OPN5: variants seen among roughly 807,000 people sequenced by gnomAD.
OPN5 encodes the protein opsin 5, also known as opsin-5.
In OPN5, 18 loss-of-function variants were observed where a neutral mutation model predicts 41.7. The ratio of observed to expected loss-of-function variants is 0.43; its 90% CI spans 0.30 to 0.64. The LOEUF (loss-of-function observed/expected upper bound fraction) is 0.64, where lower values mean the gene tolerates loss of function less well. Ranked by LOEUF, OPN5 falls within the 30% of genes least tolerant of loss-of-function variation. The probability of loss-of-function intolerance (pLI) is 0.13; values close to 1 mark genes in which losing one functional copy is unlikely to be tolerated. For missense variants in OPN5, 318 were observed against 434.5 expected, an observed-to-expected ratio of 0.73 and a Z score of 2.38; for synonymous variants, 178 against 164.3, an observed-to-expected ratio of 1.08 and a Z score of -0.64.
chr6:47,813,599 G>T (rs1317693100), intron 6 of OPN5, among the ~76,000 whole-genome samples: 1 of 152,084 alleles, frequency 6.6e-6, no homozygotes, highest in Non-Finnish European at 1.5e-5. Context: ...ATGATTTTAG[G>T]CTGGGGAAGA....
chr6:47,783,695 C>T (rs1040769072), intron 1 of OPN5, among the ~76,000 whole-genome samples: 4 of 152,124 alleles, frequency 2.6e-5, no homozygotes, highest in African/African-American at 9.7e-5. Flanking sequence ...TTTTAAGTTG[C>T]TGGGAATAGA....
intron 1 of OPN5, among the ~76,000 whole-genome samples, chr6:47,785,048 G>A (rs1773162892): frequency 6.6e-6 from 1 of 152,066 alleles, no homozygotes; most frequent in African/African-American, 2.4e-5. Flanking sequence ...TTATGAAGCA[G>A]GGTCAGTAAA....
At chr6:47,783,167 A>T (rs940954745) in intron 1 of OPN5, among the ~76,000 whole-genome samples, 1 of 152,128 alleles carries the variant, frequency 6.6e-6, no homozygotes, top group Non-Finnish European at 1.5e-5. Context: ...ACTGGATAGC[A>T]CTAATCTAGA....
At chr6:47,795,180 T>C (rs1581734760) in intron 3 of OPN5, 49 bp from the exon 4 acceptor site, 1 of 1,362,240 alleles carries the variant, frequency 7.3e-7, no homozygotes, top group Non-Finnish European at 9.9e-7. Flanking sequence ...GGGAGGTATC[T>C]GGGTGTAGGG....
rs557484285 is a variant in OPN5 at position 47,786,822 on chromosome 6, A to G, written c.250+188A>G. Among the ~76,000 whole-genome samples the G allele has an allele frequency of 3.9e-5, 6 of 152,334 alleles. No homozygotes were observed. The South Asian group carries it at 1.2e-3, about 32-fold the overall frequency. On this transcript the variant is annotated intron_variant, in intron 2 of 6. Coordinates refer to ENST00000371211, the Ensembl canonical transcript of OPN5. ...TGCTGTCCGGCTGACAAGATTATTC[A>G]TTTAATATTTATTGAGTCTTTTCTG... is the stretch of plus-strand genomic sequence containing the variant.
chr6:47,813,068 A>AAACAACAAC (rs70999651), intron 6 of OPN5, among the ~76,000 whole-genome samples: 283 of 139,170 alleles, frequency 2.0e-3, no homozygotes, highest in African/African-American at 5.3e-3. Context: ...TCTATGATTA[A>AAACAACAAC]AACAACAACA....
At chr6:47,803,316 G>T (rs181163890) in intron 4 of OPN5, among the ~76,000 whole-genome samples, 41 of 152,112 alleles carry the variant, frequency 2.7e-4, no homozygotes, top group Admixed American at 2.2e-3. Flanking sequence ...ATGACAGATG[G>T]CTCTATACGT....
At chr6:47,786,733 C>T in intron 2 of OPN5, 99 bp downstream of exon 2, 5 of 1,020,764 alleles carry the variant, frequency 4.9e-6, no homozygotes, top group Non-Finnish European at 5.8e-6. Context: ...CTCTTCCCTT[C>T]ACATCTCCTT....
chr6:47,791,844 G>A (rs1773384350), exon 3 of OPN5: 5 of 1,614,002 alleles, frequency 3.1e-6, no homozygotes, highest in Non-Finnish European at 4.2e-6. Flanking sequence ...TTTTGTCACC[G>A]CTGGGTGTTT....
intron 6 of OPN5, among the ~76,000 whole-genome samples, chr6:47,820,404 C>A (rs1033903346): frequency 1.3e-5 from 2 of 152,152 alleles, no homozygotes; most frequent in African/African-American, 4.8e-5. Context: ...ACTCTTAGTA[C>A]TTTGCTATAT....
intron 2 of OPN5, among the ~76,000 whole-genome samples, chr6:47,790,394 T>A (rs575113420): frequency 9.6e-4 from 141 of 146,864 alleles, no homozygotes; most frequent in African/African-American, 3.3e-3. Context: ...CAGGGGACAC[T>A]CTCTCTCTCT....
At chr6:47,824,065 C>A (rs992589369) in exon 7 of OPN5, 14 of 1,248,586 alleles carry the variant, frequency 1.1e-5, no homozygotes, top group Non-Finnish European at 9.2e-6. Flanking sequence ...AATTAGCTTA[C>A]AAATGTTATT....
At chr6:47,814,936 G>A (rs533306914) in intron 6 of OPN5, among the ~76,000 whole-genome samples, 14 of 152,172 alleles carry the variant, frequency 9.2e-5, no homozygotes, top group Non-Finnish European at 1.6e-4. Context: ...ATGACTTGGG[G>A]GAGATATGGA....
intron 1 of OPN5, among the ~76,000 whole-genome samples, chr6:47,783,323 T>A (rs1773126295): frequency 1.3e-5 from 2 of 152,136 alleles, no homozygotes. Context: ...TTTTTTCAGA[T>A]GTTGGGTCAA....
At chr6:47,808,203 C>G in exon 5 of OPN5, 1 of 1,613,568 alleles carries the variant, frequency 6.2e-7, no homozygotes, top group Non-Finnish European at 8.5e-7. Flanking sequence ...ATTCCTTATG[C>G]AGTGGTGTCT....
At chr6:47,811,851 A>G (rs113418936) in intron 6 of OPN5, 120 bp downstream of exon 6, 10 of 591,614 alleles carry the variant, frequency 1.7e-5, no homozygotes, top group African/African-American at 1.1e-4. Flanking sequence ...TATATTTTGT[A>G]CAGTTTTCCT....
intron 6 of OPN5, among the ~76,000 whole-genome samples, chr6:47,822,039 A>G (rs1436784750): frequency 6.6e-6 from 1 of 151,596 alleles, no homozygotes; most frequent in Non-Finnish European, 1.5e-5. Flanking sequence ...TTGAACCCAG[A>G]AGGTGAAGGT....
chr6:47,806,793 G>A (rs900267442), intron 4 of OPN5, among the ~76,000 whole-genome samples: 1 of 152,090 alleles, frequency 6.6e-6, no homozygotes, highest in Non-Finnish European at 1.5e-5. Flanking sequence ...TCACATTCCT[G>A]TCTATGCCTT....
chr6:47,791,683 G>A lies in OPN5; in HGVS notation c.251-119G>A, dbSNP rs888622044. ...ATCTAGGAAATCTGTGTAATCAAGG[G>A]TGTGTGTGTGCGTTCACATGTGTCC... On this transcript the variant is annotated intron_variant, in intron 2 of 6. Coordinates refer to ENST00000371211, the Ensembl canonical transcript of OPN5. 28 of 714,724 alleles carry A rather than the reference G, an allele frequency of 3.9e-5. 1 individual carries two copies. In the East Asian group the frequency reaches 6.6e-4, roughly 17 times the overall value. 44.3% of individuals were successfully genotyped at this position (714,724 alleles called of 1,614,324 possible).
Sources: allele counts gnomAD v4.1 joint callset (sites outside exome capture counted in the v4.1 genomes callset), GRCh38; gene constraint gnomAD v4.1.1; transcripts MANE v1.5; gene names NCBI Gene and HGNC (gene_info 2026-07-23, HGNC 2026-07-21).